RRBP1: variants seen among roughly 807,000 people sequenced by gnomAD.
RRBP1 encodes the protein ribosome binding protein 1.
In RRBP1, 94 loss-of-function variants were observed where a neutral mutation model predicts 165.2. That is an observed-to-expected ratio of 0.57 (90% CI 0.48 to 0.68). The LOEUF (loss-of-function observed/expected upper bound fraction) is 0.68. RRBP1 is among the 30% of genes least tolerant of loss of function. The pLI is 0.00. For synonymous variants in RRBP1, 680 were observed against 714.5 expected (o/e 0.95, Z 0.77); for missense variants, 1,676 against 1,763.0 (o/e 0.95, Z 0.88).
chr20:17,655,900 G>C (rs954783432), intron 3 of RRBP1, among the ~76,000 whole-genome samples: 3 of 152,180 alleles, frequency 2.0e-5, no homozygotes, highest in Non-Finnish European at 2.9e-5. Flanking sequence ...CCCACATGTG[G>C]TACGTGGGAC....
Position 17,627,362 on chromosome 20 carries a change from G to C in RRBP1, c.2949C>G (p.Asp983Glu). The change falls in exon 11 of 25, where the codon GAC (aspartate) becomes GAG (glutamate). Residue 983 changes from aspartate (D) to glutamate (E), a missense_variant. This residue lies in a region of RRBP1 where 1,184 missense variants were observed against 1,167.1 expected (regional missense o/e 1.01). Transcript: ENST00000377813. ...QDVQASQAEA[D>E]QQQTRLKELE... The stretch of plus-strand genomic sequence containing the variant: ...CCCCAGCTTACCGAGTCTGCTGCTG[G>C]TCAGCCTCCGCCTGGCTGGCCTGGA... 6.2e-7 allele frequency: 1 copy of C among 1,613,752 alleles called. No homozygotes were observed. Among genetic ancestry groups the C allele is most frequent in the Non-Finnish European group, 8.5e-7 (1 of 1,179,964 alleles).
Position 17,630,023 on chromosome 20 carries a change from T to A in RRBP1, c.2611-62A>T, listed in dbSNP as rs1180243409. ...GGAAGGACCAGGCCCTCAGCGGCTC[T>A]GCGGTGGAGGCGGACAGAGCTCTTT... On this transcript the variant is annotated intron_variant, in intron 8 of 24. Transcript: ENST00000377813. The A allele has an allele frequency of 8.4e-6, 13 of 1,541,790 alleles. No individual in the cohort carries two copies. The African/African-American group carries it at 1.8e-4, about 21-fold the overall frequency.
chr20:17,640,469 G>T (rs1291576031), intron 5 of RRBP1, among the ~76,000 whole-genome samples: 3 of 152,190 alleles, frequency 2.0e-5, no homozygotes, highest in Non-Finnish European at 4.4e-5. Context: ...CTGGGGGGCA[G>T]ACTTAGGTCT....
chr20:17,655,028 T>C (rs1188231555), intron 3 of RRBP1, among the ~76,000 whole-genome samples: 2 of 152,238 alleles, frequency 1.3e-5, no homozygotes, highest in Non-Finnish European at 2.9e-5. Context: ...AAGGGCATTA[T>C]ATCAGGAAGG....
intron 3 of RRBP1, among the ~76,000 whole-genome samples, chr20:17,649,821 A>G (rs1170213684): frequency 6.6e-6 from 1 of 152,032 alleles, no homozygotes; most frequent in Admixed American, 6.6e-5. Context: ...GAGACTGCAC[A>G]CGACACAGAG....
At chr20:17,663,373 G>A (rs575678749) in intron 2 of RRBP1, among the ~76,000 whole-genome samples, 10 of 152,286 alleles carry the variant, frequency 6.6e-5, no homozygotes, top group Admixed American at 3.3e-4. Flanking sequence ...ACCCAGAATC[G>A]AGAAAAACAA....
At chr20:17,616,627 C>T (rs910764832) in intron 21 of RRBP1, 105 bp downstream of exon 21, 6 of 730,106 alleles carry the variant, frequency 8.2e-6, no homozygotes, top group African/African-American at 3.6e-5. Context: ...GGGGAAGCAG[C>T]GGAGGCTGGA....
At chr20:17,660,632 A>G (rs538332211) in intron 2 of RRBP1, 104 bp from the exon 3 acceptor site, 66 of 710,010 alleles carry the variant, frequency 9.3e-5, no homozygotes, top group Non-Finnish European at 1.5e-4. Context: ...TTCTTTCTTC[A>G]GGCTAATAAA....
Position 17,643,003 on chromosome 20 carries a change from G to A in RRBP1, c.2037C>T (p.Gly679=). The A allele has an allele frequency of 6.2e-7, 1 of 1,614,046 alleles. No individual in the cohort carries two copies. Among genetic ancestry groups the A allele is most frequent in the Non-Finnish European group, 8.5e-7 (1 of 1,179,998 alleles). ...CCTTGTGCCAGGTGTCCTGAATGAT[G>A]CCAGCCTTCTCAGACAGGATCTCGA... The part of the protein sequence containing the change: ...RLIEILSEKA[G]IIQDTWHKAT... Residue 679 remains glycine, a synonymous_variant, in exon 4 of 25, where the codon GGC becomes GGT. Transcript: ENST00000377813. This position sits in a 1 kb window ranked among gnomAD's most constrained non-coding sequence, Gnocchi z 4.3.
At chr20:17,650,728 T>C (rs1005293708) in intron 3 of RRBP1, among the ~76,000 whole-genome samples, 1 of 152,200 alleles carries the variant, frequency 6.6e-6, no homozygotes, top group Non-Finnish European at 1.5e-5. Flanking sequence ...TTCCTCAGTC[T>C]ACGCCCACAC....
At chr20:17,614,611 G>A (rs2035755664) in intron 24 of RRBP1, 126 bp downstream of exon 24, 2 of 1,240,324 alleles carry the variant, frequency 1.6e-6, no homozygotes, top group African/African-American at 3.0e-5. Context: ...TGCCTCCCCT[G>A]GGGCTCCCAG....
chr20:17,614,863 C>A lies in RRBP1; in HGVS notation c.4068G>T (p.Glu1356Asp). 6.2e-7 allele frequency: 1 copy of A among 1,613,608 alleles called. No individual in the cohort carries two copies. Among genetic ancestry groups the A allele is most frequent in the South Asian group, 1.1e-5 (1 of 91,066 alleles). Residue 1356 changes from glutamate (E) to aspartate (D), a missense_variant, in exon 24 of 25, where the codon GAG (glutamate) becomes GAT (aspartate). By Grantham distance (45) the Glu-to-Asp change is conservative. Transcript: ENST00000377813. ...ASQLKERLEK[E>D]KKLTSDLGRA... ...GCCCCAGGTCACTTGTTAACTTCTT[C>A]TCTTTTTCTAGTCTCTCCTGATGGT... is the stretch of plus-strand genomic sequence containing the variant.
At chr20:17,621,592 T>C in intron 15 of RRBP1, 45 bp from the exon 16 acceptor site, 2 of 1,594,348 alleles carry the variant, frequency 1.3e-6, no homozygotes, top group Non-Finnish European at 1.7e-6. Context: ...CACACAAAGG[T>C]TCTTCTCTTG....
chr20:17,655,674 G>A (rs377010349), intron 3 of RRBP1, among the ~76,000 whole-genome samples: 159 of 152,336 alleles, frequency 1.0e-3, no homozygotes, highest in South Asian at 8.7e-3. Flanking sequence ...TTCCTGAGGG[G>A]AGTCCAGGAG....
At chr20:17,640,749 A>G (rs1312652621) in intron 5 of RRBP1, among the ~76,000 whole-genome samples, 1 of 152,170 alleles carries the variant, frequency 6.6e-6, no homozygotes, top group Non-Finnish European at 1.5e-5. Context: ...GCGGCCATCT[A>G]AGGTGTGTCT....
At chr20:17,634,383 CCT>C (rs1316382074) in intron 7 of RRBP1, among the ~76,000 whole-genome samples, 1 of 152,184 alleles carries the variant, frequency 6.6e-6, no homozygotes, top group Non-Finnish European at 1.5e-5. Context: ...GTGGGTCCCA[CCT>C]CTCTGACTTG....
At chr20:17,661,461 A>G (rs772720855) in intron 2 of RRBP1, among the ~76,000 whole-genome samples, 1 of 152,224 alleles carries the variant, frequency 6.6e-6, no homozygotes, top group East Asian at 1.9e-4. Context: ...TCCCCAAACC[A>G]TAAGAATGAA....
At position 17,615,475 on chromosome 20, in the gene RRBP1, C is replaced by T. The variant is rs747707946; in HGVS notation, c.4006G>A (p.Gly1336Ser). The T allele has an allele frequency of 5.0e-5, 80 of 1,608,040 alleles. No individual in the cohort carries two copies. The highest frequency in any genetic ancestry group is 4.3e-4 in the Admixed American group (25 of 58,568). The part of the protein sequence containing the change: ...QEELEKLRTA[G>S]PLESSETEEA... The stretch of plus-strand genomic sequence containing the variant: ...TCTGTTTCTGAAGACTCTAGGGGGC[C>T]GGCTGTGCGGAGCTTCTCCAATTCT... The change falls in exon 23 of 25, where the codon GGC becomes AGC. Residue 1336 changes from glycine (G) to serine (S), a missense_variant. Transcript: ENST00000377813.
chr20:17,618,501 C>CT, intron 20 of RRBP1, 95 bp downstream of exon 20: 1 of 1,022,468 alleles, frequency 9.8e-7, no homozygotes, highest in South Asian at 1.3e-5. Flanking sequence ...TAGGCTTTAT[C>CT]TTTGAGTGGA....
Sources: gnomAD v4.1 joint callset for allele counts (sites outside exome capture counted in the v4.1 genomes callset) on GRCh38, gnomAD v4.1.1 for gene constraint, gnomAD v4.1.1 regional missense constraint, Gnocchi (gnomAD v3.1) non-coding constraint, MANE v1.5 for transcripts, NCBI Gene and HGNC (gene_info 2026-07-23, HGNC 2026-07-21) for gene names.